The following P3H2 variants were observed in gnomAD, a reference collection of about 807,000 sequenced individuals.
P3H2 encodes the protein leprecan-like 1.
A neutral mutation model predicts 87.0 loss-of-function variants in P3H2; 80 were observed. That is an observed-to-expected ratio of 0.92 (90% CI 0.77 to 1.11). The LOEUF is 1.11. P3H2 is among the 50% of genes least tolerant of loss of function. The probability of loss-of-function intolerance (pLI) is 0.00; values close to 1 mark genes in which losing one functional copy is unlikely to be tolerated. For missense variants in P3H2, 1,001 were observed against 923.9 expected (o/e 1.08, Z -1.08); for synonymous variants, 367 against 359.3 (o/e 1.02, Z -0.24).
intron 1 of P3H2, among the ~76,000 whole-genome samples, chr3:190,013,639 T>TTGTAAATATTTTCCC (rs1724664208): frequency 1.3e-5 from 2 of 152,202 alleles, no homozygotes; most frequent in South Asian, 4.1e-4. Flanking sequence ...CAGATTTTCC[T>TTGTAAATATTTTCCC]TGTAAATATT....
At chr3:189,965,712 G>A (rs189303991) in intron 13 of P3H2, among the ~76,000 whole-genome samples, 4 of 152,274 alleles carry the variant, frequency 2.6e-5, no homozygotes, top group African/African-American at 7.2e-5. Flanking sequence ...GAGGCCGGGC[G>A]TGGTGGCTCA....
At chr3:190,090,227 G>A (rs560294410) in intron 1 of P3H2, among the ~76,000 whole-genome samples, 9 of 152,150 alleles carry the variant, frequency 5.9e-5, no homozygotes, top group Middle Eastern at 3.4e-3. Flanking sequence ...GATATCATTC[G>A]TTTTTATTTT....
At chr3:189,974,770 A>G in intron 8 of P3H2, 85 bp from the exon 9 acceptor site, 1 of 1,515,376 alleles carries the variant, frequency 6.6e-7, no homozygotes, top group Admixed American at 1.7e-5. Flanking sequence ...TCAATGTGCA[A>G]TTCGAGTGAG....
At chr3:190,050,715 C>T (rs1315808988) in intron 1 of P3H2, among the ~76,000 whole-genome samples, 3 of 152,220 alleles carry the variant, frequency 2.0e-5, no homozygotes, top group Non-Finnish European at 2.9e-5. Flanking sequence ...ATGACAGAGA[C>T]TGTGCTTTAT....
intron 8 of P3H2, among the ~76,000 whole-genome samples, chr3:189,981,036 G>C (rs1162877918): frequency 6.6e-6 from 1 of 152,198 alleles, no homozygotes; most frequent in Non-Finnish European, 1.5e-5. Flanking sequence ...CTGGGAGGGT[G>C]GTTTGCCCAT....
intron 1 of P3H2, among the ~76,000 whole-genome samples, chr3:190,000,472 ATAAG>A (rs1264226352): frequency 7.2e-5 from 11 of 152,254 alleles, no homozygotes; most frequent in African/African-American, 2.4e-4. Context: ...AAGTAAATAA[ATAAG>A]TAAGGAAAGT....
At chr3:190,120,941 C>A (rs1712558833), upstream of P3H2, 5 of 650,796 alleles carry the variant, frequency 7.7e-6, no homozygotes, top group East Asian at 1.0e-4. Flanking sequence ...ACGCCCACAG[C>A]TCACACGCTC....
intron 1 of P3H2, among the ~76,000 whole-genome samples, chr3:190,055,049 C>T (rs1054537077): frequency 6.6e-6 from 1 of 152,170 alleles, no homozygotes; most frequent in African/African-American, 2.4e-5. Context: ...GGATGCACAT[C>T]TTTCTTGTTC....
intron 13 of P3H2, among the ~76,000 whole-genome samples, chr3:189,968,651 A>T (rs997607129): frequency 6.6e-6 from 1 of 152,138 alleles, no homozygotes; most frequent in Non-Finnish European, 1.5e-5. Flanking sequence ...CTGGTTCTAG[A>T]TCCTTGAGGA....
intron 1 of P3H2, among the ~76,000 whole-genome samples, chr3:190,016,363 C>T (rs1404421279): frequency 9.2e-5 from 14 of 152,146 alleles, no homozygotes; most frequent in Admixed American, 9.2e-4. Flanking sequence ...CCTGCCTCAA[C>T]CTCCCAGGTA....
chr3:190,009,908 G>A (rs534592774), intron 1 of P3H2, among the ~76,000 whole-genome samples: 1 of 152,288 alleles, frequency 6.6e-6, no homozygotes, highest in Non-Finnish European at 1.5e-5. Flanking sequence ...AGGAAGTACT[G>A]TGGGAAAGGC....
At position 190,120,487 on chromosome 3, in the gene P3H2, G is replaced by A. The variant is rs947578248; in HGVS notation, c.245C>T (p.Thr82Met). 8 of 1,447,462 alleles carry A rather than the reference G, an allele frequency of 5.5e-6. No homozygotes were observed. The highest frequency in any genetic ancestry group is 4.4e-5 in the African/African-American group (3 of 67,766). The allele number at this position is 1,447,462 out of a possible 1,614,324, so 89.7% of individuals were successfully genotyped here. ...RSHRRLREIR[T>M]RCARHCAARH... is the part of the protein sequence containing the mutation. ...CGCCGCGCAGTGGCGGGCACAGCGCGTGCGGATTTCCCGCAGGCGCCGGTG... is the reference window on the plus strand; with the variant it reads ...CGCCGCGCAGTGGCGGGCACAGCGCATGCGGATTTCCCGCAGGCGCCGGTG... The change falls in exon 1 of 15, where the codon ACG becomes ATG. Residue 82 changes from threonine (T) to methionine (M), a missense_variant. Coordinates refer to ENST00000319332, the MANE Select transcript of P3H2 (RefSeq NM_018192.4).
intron 3 of P3H2, among the ~76,000 whole-genome samples, chr3:189,990,290 C>T (rs1323526618): frequency 6.6e-6 from 1 of 152,084 alleles, no homozygotes; most frequent in East Asian, 1.9e-4. Context: ...AGAATGAGTT[C>T]TATTTATTTG....
chr3:190,113,973 G>T (rs1003451562), intron 1 of P3H2, among the ~76,000 whole-genome samples: 7 of 147,718 alleles, frequency 4.7e-5, no homozygotes, highest in African/African-American at 1.8e-4. Context: ...CCAGCTACTC[G>T]GGAGGCTGAG....
At chr3:189,961,278 A>G (rs1722803378) in intron 14 of P3H2, among the ~76,000 whole-genome samples, 4 of 152,166 alleles carry the variant, frequency 2.6e-5, no homozygotes. Flanking sequence ...ATCGACACAC[A>G]TACAAAGCTT....
At chr3:189,984,730 A>T (rs1293804719) in intron 6 of P3H2, 140 bp from the exon 7 acceptor site, 2 of 611,154 alleles carry the variant, frequency 3.3e-6, no homozygotes, top group Non-Finnish European at 5.7e-6. Flanking sequence ...GTAAAGATAC[A>T]ATATATTTAT....
At position 190,118,891 on chromosome 3, in the gene P3H2, G is replaced by A. The variant is rs147136964; in HGVS notation, c.480+1361C>T. Reference sequence around the variant, plus strand: ...ACGGGTCACCTGAGGTCAGGAGTTCGAGACCAGCCTGGCCAACATGGTGAA... The same window carrying A: ...ACGGGTCACCTGAGGTCAGGAGTTCAAGACCAGCCTGGCCAACATGGTGAA... On this transcript the variant is annotated intron_variant, in intron 1 of 14. Coordinates refer to ENST00000319332, the MANE Select transcript of P3H2 (RefSeq NM_018192.4). Among the ~76,000 whole-genome samples, 1,484 of 151,436 alleles carry A rather than the reference G, an allele frequency of 9.8e-3. 22 individuals carry two copies. Among genetic ancestry groups the A allele is most frequent in the African/African-American group, 0.034 (1,388 of 41,230 alleles).
chr3:190,059,400 T>C (rs945153045), intron 1 of P3H2, among the ~76,000 whole-genome samples: 24 of 151,936 alleles, frequency 1.6e-4, no homozygotes, highest in Admixed American at 1.4e-3. Context: ...AAGCACAGCA[T>C]TGTCATACAA....
chr3:190,021,955 C>A (rs1176342842), intron 1 of P3H2, among the ~76,000 whole-genome samples: 1 of 134,908 alleles, frequency 7.4e-6, no homozygotes, highest in African/African-American at 2.6e-5. Flanking sequence ...GTCAGTGATA[C>A]TTTATTGCCT....
Sources: allele counts gnomAD v4.1 joint callset (sites outside exome capture counted in the v4.1 genomes callset), GRCh38; gene constraint gnomAD v4.1.1; transcripts MANE v1.5; gene names NCBI Gene and HGNC (gene_info 2026-07-23, HGNC 2026-07-21).